Variants in DIP2B observed in about 807,000 individuals in gnomAD.
DIP2B encodes disco-interacting protein 2 homolog B.
Under a neutral mutation model 198.0 loss-of-function variants are expected in DIP2B, and 76 were observed. That is an observed-to-expected ratio of 0.38 (90% CI 0.32 to 0.46). The LOEUF is 0.46. DIP2B is among the 20% of genes least tolerant of loss of function. DIP2B has a pLI of 0.99. For synonymous variants in DIP2B, 701 were observed against 739.1 expected (o/e 0.95, Z 0.84); for missense variants, 1,559 against 1,978.4 (o/e 0.79, Z 4.02).
intron 1 of DIP2B, among the ~76,000 whole-genome samples, chr12:50,529,807 C>T (rs930767688): frequency 2.0e-5 from 3 of 151,376 alleles, no homozygotes; most frequent in Non-Finnish European, 2.9e-5. Context: ...TGCAGTGAGC[C>T]GAGATCATGC....
chr12:50,607,304 C>T (rs1958990529), intron 1 of DIP2B, among the ~76,000 whole-genome samples: 1 of 151,992 alleles, frequency 6.6e-6, no homozygotes, highest in Non-Finnish European at 1.5e-5. Flanking sequence ...AAAACAAGGA[C>T]CCAGGAAACT....
At chr12:50,733,257 T>C (rs1940080034) in intron 32 of DIP2B, among the ~76,000 whole-genome samples, 2 of 23,884 alleles carry the variant, frequency 8.4e-5, no homozygotes, top group African/African-American at 1.7e-4. Context: ...TTTCTTTCTT[T>C]TTTTTTTTTT....
At chr12:50,662,622 C>T (rs186354336) in intron 4 of DIP2B, among the ~76,000 whole-genome samples, 1 of 152,312 alleles carries the variant, frequency 6.6e-6, no homozygotes, top group East Asian at 1.9e-4. Context: ...ACATCAGTAT[C>T]TCCCAGAACT....
At chr12:50,532,007 A>G (rs1565814818) in intron 1 of DIP2B, among the ~76,000 whole-genome samples, 1 of 152,172 alleles carries the variant, frequency 6.6e-6, no homozygotes, top group African/African-American at 2.4e-5. Context: ...TAGAGTAGAA[A>G]GATGTGATGG....
intron 9 of DIP2B, among the ~76,000 whole-genome samples, chr12:50,682,589 A>G (rs1296666983): frequency 1.4e-5 from 2 of 138,832 alleles, no homozygotes; most frequent in African/African-American, 5.5e-5. Context: ...AGATCGCACC[A>G]CTGCATTCCA....
At chr12:50,660,785 T>C (rs191121847) in intron 4 of DIP2B, among the ~76,000 whole-genome samples, 21 of 152,340 alleles carry the variant, frequency 1.4e-4, no homozygotes, top group Admixed American at 1.1e-3. Flanking sequence ...TTAACAATTA[T>C]GGAAGAGCAA....
intron 1 of DIP2B, among the ~76,000 whole-genome samples, chr12:50,582,059 C>A (rs1262076074): frequency 6.6e-6 from 1 of 150,764 alleles, no homozygotes; most frequent in Non-Finnish European, 1.5e-5. Context: ...CATGGTGGAG[C>A]ATGCTTGATC....
At chr12:50,535,368 ATT>A (rs35491499) in intron 1 of DIP2B, among the ~76,000 whole-genome samples, 104 of 141,770 alleles carry the variant, frequency 7.3e-4, no homozygotes, top group East Asian at 2.5e-3. Flanking sequence ...GAATCAGGAA[ATT>A]TTTTTTTTTT....
chr12:50,523,486 G>GAT (rs1054595940), intron 1 of DIP2B, among the ~76,000 whole-genome samples: 4 of 152,130 alleles, frequency 2.6e-5, no homozygotes, highest in Non-Finnish European at 4.4e-5. Context: ...TGAGAAGACT[G>GAT]ATATATATAA....
At chr12:50,552,764 T>C (rs1057096443) in intron 1 of DIP2B, among the ~76,000 whole-genome samples, 3 of 152,268 alleles carry the variant, frequency 2.0e-5, no homozygotes, top group African/African-American at 7.2e-5. Context: ...CTTCCATGTT[T>C]TCTTCTAGGA....
rs1018792751 is a variant in DIP2B, at chr12:50,745,890, T to C, written c.*1051T>C. On this transcript the variant is annotated 3_prime_UTR_variant, in exon 38 of 38. Coordinates refer to ENST00000301180, the MANE Select transcript of DIP2B (RefSeq NM_173602.3). ...GTCTACAGTTTATCCATATAACTTC[T>C]CTTCTGAAAACTGAGGAGTGTCCTC... 2 of 152,190 alleles carry C rather than the reference T, an allele frequency of 1.3e-5. No homozygotes were observed. The highest frequency in any genetic ancestry group is 4.8e-5 in the African/African-American group (2 of 41,436). 9.4% of individuals were successfully genotyped at this position (152,190 alleles called of 1,614,324 possible).
At chr12:50,625,511 C>T (rs546149417) in intron 1 of DIP2B, among the ~76,000 whole-genome samples, 5 of 152,324 alleles carry the variant, frequency 3.3e-5, no homozygotes, top group African/African-American at 1.2e-4. Context: ...ACAGAAAGTC[C>T]TTTTAATTAT....
intron 1 of DIP2B, among the ~76,000 whole-genome samples, chr12:50,533,722 C>T (rs1228206645): frequency 6.6e-6 from 1 of 151,856 alleles, no homozygotes; most frequent in Non-Finnish European, 1.5e-5. Context: ...AATCCTCCCG[C>T]CTCAGCCTCC....
intron 34 of DIP2B, among the ~76,000 whole-genome samples, chr12:50,736,285 A>G (rs1281540081): frequency 1.3e-5 from 2 of 152,228 alleles, no homozygotes; most frequent in Non-Finnish European, 2.9e-5. Flanking sequence ...CACGAGCATT[A>G]GCCTGTGCCC....
chr12:50,687,144 C>T (rs1006823291), intron 12 of DIP2B, among the ~76,000 whole-genome samples: 1 of 152,186 alleles, frequency 6.6e-6, no homozygotes, highest in African/African-American at 2.4e-5. Flanking sequence ...ATGCAATTGG[C>T]AACATGATCC....
chr12:50,709,513 C>T (rs963515469), intron 22 of DIP2B, among the ~76,000 whole-genome samples: 2 of 151,960 alleles, frequency 1.3e-5, no homozygotes, highest in Admixed American at 1.3e-4. Context: ...TGGCAGGCAT[C>T]TGTAGTCCCA....
At chr12:50,538,423 G>A (rs1028156264) in intron 1 of DIP2B, among the ~76,000 whole-genome samples, 3 of 152,158 alleles carry the variant, frequency 2.0e-5, no homozygotes, top group South Asian at 4.1e-4. Context: ...GGACACAGAA[G>A]TATGAAATGG....
chr12:50,625,830 C>T lies in DIP2B; in HGVS notation c.101-146C>T. 5 of 780,174 alleles carry T rather than the reference C, an allele frequency of 6.4e-6. No individual in the cohort carries two copies. In the South Asian group the frequency reaches 7.1e-5, roughly 11 times the overall value. 48.3% of individuals were successfully genotyped at this position (780,174 alleles called of 1,614,324 possible). Reference sequence around the variant, plus strand: ...GTGGGAAATCATACATAGCAAAATCCTTGGCAAAGAACCATACATTCCCCC... The same window carrying T: ...GTGGGAAATCATACATAGCAAAATCTTTGGCAAAGAACCATACATTCCCCC... On this transcript the variant is annotated intron_variant, in intron 1 of 37. Transcript: ENST00000301180.
intron 1 of DIP2B, among the ~76,000 whole-genome samples, chr12:50,516,815 A>C (rs2139346601): frequency 6.6e-6 from 1 of 152,096 alleles, no homozygotes; most frequent in African/African-American, 2.4e-5. Context: ...TCAGTACTAA[A>C]AATGCAAAAA....
Sources: allele counts gnomAD v4.1 joint callset (sites outside exome capture counted in the v4.1 genomes callset), GRCh38; gene constraint gnomAD v4.1.1; transcripts MANE v1.5; gene names NCBI Gene and HGNC (gene_info 2026-07-23, HGNC 2026-07-21).